TXNDC11: variants seen among roughly 807,000 people sequenced by gnomAD.
TXNDC11 encodes the protein thioredoxin domain-containing protein 11.
Under a neutral mutation model 78.0 loss-of-function variants are expected in TXNDC11, and 68 were observed. The observed-to-expected ratio is 0.87, with a 90% CI of 0.72 to 1.07. TXNDC11 has a LOEUF of 1.07. Ranked by LOEUF, TXNDC11 falls within the 50% of genes least tolerant of loss-of-function variation. The pLI, the probability that TXNDC11 is intolerant of heterozygous loss-of-function variation, is 0.00. For synonymous variants in TXNDC11, 571 were observed against 495.2 expected (o/e 1.15, Z -2.03); for missense variants, 1,389 against 1,221.8 (o/e 1.14, Z -2.04).
chr16:11,699,693 C>T (rs1171825058), intron 6 of TXNDC11, among the ~76,000 whole-genome samples: 1 of 152,268 alleles, frequency 6.6e-6, no homozygotes, highest in Non-Finnish European at 1.5e-5. Flanking sequence ...AGGCACAAGA[C>T]TTAGACATTG....
chr16:11,725,106 C>G (rs2051837105), intron 4 of TXNDC11, among the ~76,000 whole-genome samples: 1 of 152,160 alleles, frequency 6.6e-6, no homozygotes, highest in African/African-American at 2.4e-5. Context: ...TTTATGGGAT[C>G]TCCTGGCAAG....
intron 4 of TXNDC11, among the ~76,000 whole-genome samples, chr16:11,725,174 T>C (rs1372427040): frequency 1.3e-5 from 2 of 152,214 alleles, no homozygotes; most frequent in Non-Finnish European, 2.9e-5. Context: ...TTGTAGTGCT[T>C]ACCTGGGTAG....
intron 5 of TXNDC11, among the ~76,000 whole-genome samples, chr16:11,715,397 G>C (rs946362970): frequency 2.0e-5 from 3 of 150,832 alleles, no homozygotes; most frequent in Non-Finnish European, 4.4e-5. Flanking sequence ...CTGATTGCTT[G>C]AGCCCATGAG....
At chr16:11,723,231 A>T (rs181790449) in intron 4 of TXNDC11, among the ~76,000 whole-genome samples, 1 of 151,638 alleles carries the variant, frequency 6.6e-6, no homozygotes, top group Admixed American at 6.6e-5. Flanking sequence ...GCACTCCAGC[A>T]GGTGGGGGAG....
At chr16:11,709,676 C>T (rs1231540266) in intron 5 of TXNDC11, among the ~76,000 whole-genome samples, 1 of 151,826 alleles carries the variant, frequency 6.6e-6, no homozygotes, top group East Asian at 1.9e-4. Context: ...ACCTCGTGAT[C>T]CGCCCGCCTC....
chr16:11,681,153 CAG>C (rs1464275615), intron 11 of TXNDC11, among the ~76,000 whole-genome samples: 1 of 152,202 alleles, frequency 6.6e-6, no homozygotes, highest in Non-Finnish European at 1.5e-5. Context: ...GCCTGGGCAA[CAG>C]AGTCAGACCT....
chr16:11,733,540 A>G (rs1160655830), intron 3 of TXNDC11, among the ~76,000 whole-genome samples: 1 of 152,090 alleles, frequency 6.6e-6, no homozygotes, highest in African/African-American at 2.4e-5. Flanking sequence ...AAAAAAAAAG[A>G]ATTGTGGACA....
At chr16:11,734,344 T>C (rs2052157972) in intron 2 of TXNDC11, among the ~76,000 whole-genome samples, 1 of 152,200 alleles carries the variant, frequency 6.6e-6, no homozygotes, top group African/African-American at 2.4e-5. Flanking sequence ...TCTGTGTGTT[T>C]CCAAAAATAA....
At position 11,742,580 on chromosome 16, in the gene TXNDC11, C is replaced by G; in HGVS notation, c.151G>C (p.Gly51Arg). The G allele has an allele frequency of 6.9e-7, 1 of 1,458,044 alleles. No homozygotes were observed. The highest frequency in any genetic ancestry group is 1.3e-5 in the South Asian group (1 of 75,392). 90.3% of individuals were successfully genotyped at this position (1,458,044 alleles called of 1,614,324 possible). ...TASSAGRLRR[G>R]LRGAFLMARQ... is the part of the protein sequence containing the mutation. ...GCCATGAGGAAGGCGCCACGCAGCC[C>G]GCGACGGAGCCGGCCCGCCGAGGAC... Residue 51 changes from glycine to arginine, a missense_variant, in exon 1 of 12, where the codon GGG becomes CGG. Gly to Arg is a moderately radical substitution (Grantham distance 125). Transcript: ENST00000283033.
Position 11,679,420 on chromosome 16 carries a change from T to C in TXNDC11, c.2652A>G (p.Ser884=), listed in dbSNP as rs751634612. ...ACGTGTTCTCGGTAAGGAGGTTTTC[T>C]GAGGCATCGGCCAGCTCCTGCAGCT... ...ARKLQELADA[S]ENLLTENTWL... is the part of the protein sequence containing the mutation. Residue 884 remains serine, a synonymous_variant, in exon 12 of 12, where the codon TCA becomes TCG. Coordinates refer to ENST00000283033, the MANE Select transcript of TXNDC11 (RefSeq NM_015914.7). This position sits in a 1 kb window ranked among gnomAD's most constrained non-coding sequence, Gnocchi z 4.6. 15 of 1,613,380 alleles carry C rather than the reference T, an allele frequency of 9.3e-6. No homozygotes were observed. The East Asian group carries it at 2.7e-4, about 29-fold the overall frequency.
chr16:11,729,823 C>G (rs368067355), intron 4 of TXNDC11, among the ~76,000 whole-genome samples: 1 of 152,048 alleles, frequency 6.6e-6, no homozygotes, highest in Non-Finnish European at 1.5e-5. Flanking sequence ...CTGGGCGTGG[C>G]GTCCCACACC....
At chr16:11,703,685 T>C in intron 5 of TXNDC11, 1 of 702,780 alleles carries the variant, frequency 1.4e-6, no homozygotes, top group Non-Finnish European at 2.6e-6. Flanking sequence ...ACGTAGATCT[T>C]GGTTTCTAAA....
intron 4 of TXNDC11, among the ~76,000 whole-genome samples, chr16:11,724,906 C>T (rs772358262): frequency 2.1e-4 from 32 of 152,058 alleles, no homozygotes; most frequent in South Asian, 4.2e-4. Context: ...CCACCACATC[C>T]GGCTAATTTT....
intron 5 of TXNDC11, among the ~76,000 whole-genome samples, chr16:11,710,638 C>G (rs1009547826): frequency 6.6e-6 from 1 of 152,024 alleles, no homozygotes; most frequent in African/African-American, 2.4e-5. Flanking sequence ...CTGCTTGAGC[C>G]CAGGAATTCA....
intron 5 of TXNDC11, among the ~76,000 whole-genome samples, chr16:11,716,113 C>G (rs897821805): frequency 6.6e-5 from 10 of 152,212 alleles, no homozygotes; most frequent in African/African-American, 9.6e-5. Context: ...ATATTTTGTT[C>G]CAAGTTTACA....
At position 11,705,931 on chromosome 16, in the gene TXNDC11, G is replaced by A. The variant is rs2051168527; in HGVS notation, c.794-5367C>T. Among the ~76,000 whole-genome samples, 3 of 152,150 alleles carry A rather than the reference G, an allele frequency of 2.0e-5. No homozygotes were observed. In the South Asian group the frequency reaches 6.2e-4, roughly 32 times the overall value. ...GTTTTCTGATAAGCAGAGCTCCAGG[G>A]CTTTCTACGACAGAAGTCTTAGTCA... On this transcript the variant is annotated intron_variant, in intron 5 of 11. Coordinates refer to ENST00000283033, the MANE Select transcript of TXNDC11 (RefSeq NM_015914.7).
At chr16:11,688,919 G>A (rs1220038144) in intron 8 of TXNDC11, among the ~76,000 whole-genome samples, 1 of 151,922 alleles carries the variant, frequency 6.6e-6, no homozygotes, top group African/African-American at 2.4e-5. Context: ...CCTTTATTAA[G>A]GTTCTTTAAG....
intron 4 of TXNDC11, among the ~76,000 whole-genome samples, chr16:11,722,526 C>A (rs1395719008): frequency 6.6e-6 from 1 of 151,946 alleles, no homozygotes; most frequent in East Asian, 1.9e-4. Flanking sequence ...GGAAAGAGTG[C>A]TGGACTTGGA....
chr16:11,683,748 CTTT>C (rs36114425), intron 11 of TXNDC11, among the ~76,000 whole-genome samples: 6 of 109,314 alleles, frequency 5.5e-5, no homozygotes, highest in Admixed American at 9.2e-5. Flanking sequence ...CCTAAGGACA[CTTT>C]TTTTTTTTTT....
Sources: gnomAD v4.1 joint callset for allele counts (sites outside exome capture counted in the v4.1 genomes callset) on GRCh38, gnomAD v4.1.1 for gene constraint, Gnocchi (gnomAD v3.1) non-coding constraint, MANE v1.5 for transcripts, NCBI Gene and HGNC (gene_info 2026-07-23, HGNC 2026-07-21) for gene names.